The following EPB41L3 variants were observed in gnomAD, a reference collection of about 807,000 sequenced individuals.
EPB41L3 encodes the protein erythrocyte membrane protein band 4.1 like 3.
In EPB41L3, 57 loss-of-function variants were observed where a neutral mutation model predicts 127.1. The observed-to-expected ratio is 0.45, with a 90% CI of 0.36 to 0.56. EPB41L3 has a LOEUF of 0.56. EPB41L3 is among the 20% of genes least tolerant of loss of function. EPB41L3 has a pLI of 0.00. For missense variants in EPB41L3, 1,273 were observed against 1,372.2 expected (o/e 0.93, Z 1.14); for synonymous variants, 572 against 549.5 (o/e 1.04, Z -0.57).
At chr18:5,439,186 C>G (rs1598943804) in intron 5 of EPB41L3, among the ~76,000 whole-genome samples, 1 of 152,194 alleles carries the variant, frequency 6.6e-6, no homozygotes, top group Non-Finnish European at 1.5e-5. Context: ...CCCAGTCCCC[C>G]AGGCTTCCAC....
intron 2 of EPB41L3, among the ~76,000 whole-genome samples, chr18:5,612,827 G>A (rs896931042): frequency 3.3e-5 from 5 of 152,130 alleles, no homozygotes; most frequent in African/African-American, 4.8e-5. Flanking sequence ...TGTAATCTCC[G>A]CCTCCAGGGT....
chr18:5,569,138 C>A (rs2094245096), intron 3 of EPB41L3, among the ~76,000 whole-genome samples: 1 of 152,138 alleles, frequency 6.6e-6, no homozygotes, highest in Admixed American at 6.5e-5. Context: ...CCTGCAGATA[C>A]AGAGGCAATC....
intron 11 of EPB41L3, among the ~76,000 whole-genome samples, chr18:5,421,979 T>G (rs1009119839): frequency 6.6e-6 from 1 of 151,998 alleles, no homozygotes; most frequent in African/African-American, 2.4e-5. Flanking sequence ...CTACTGAAAT[T>G]TTAAAAAAAT....
chr18:5,546,018 T>C (rs532778402), upstream of EPB41L3, among the ~76,000 whole-genome samples: 2 of 152,218 alleles, frequency 1.3e-5, no homozygotes, highest in Non-Finnish European at 2.9e-5. Context: ...TTGTATTGTT[T>C]ACAATAAACA....
chr18:5,561,862 G>A (rs78863749), intron 3 of EPB41L3, among the ~76,000 whole-genome samples: 17,358 of 152,186 alleles, frequency 0.11, 1,080 homozygotes, highest in South Asian at 0.21. Flanking sequence ...CAGAGGGCAC[G>A]TTACCACTGT....
At chr18:5,606,916 G>GTC (rs1323264764) in intron 3 of EPB41L3, among the ~76,000 whole-genome samples, 7 of 91,434 alleles carry the variant, frequency 7.7e-5, no homozygotes, top group South Asian at 6.1e-4. Flanking sequence ...CTCTCTCTCT[G>GTC]TCTCTCTCTC....
rs6506299 is a variant in EPB41L3 at position 5,411,969 on chromosome 18, G to A, written c.2068-1350C>T. 6.4e-4 allele frequency among the ~76,000 whole-genome samples: 98 copies of A among 152,238 alleles called. 1 individual carries two copies. The highest frequency in any genetic ancestry group is 3.4e-3 in the Middle Eastern group (1 of 294). On this transcript the variant is annotated intron_variant, in intron 13 of 22. Transcript: ENST00000341928. Reference sequence around the variant, plus strand: ...TTTTCTGTAGGTTGGTAAGGAAAGCGTGTTGACCCATTTTCATGACCTGAC... The same window carrying A: ...TTTTCTGTAGGTTGGTAAGGAAAGCATGTTGACCCATTTTCATGACCTGAC...
rs139881835 is a variant in EPB41L3 at position 5,599,280 on chromosome 18, T to C, written c.-306+13060A>G. ...AATATTACTCCCATTGTAATGGCGA[T>C]GGGCCAAAGTGAGAGCAAACTCTTC... On this transcript the variant is annotated intron_variant, in intron 3 of 21. Transcript: ENST00000545076. Among the ~76,000 whole-genome samples the C allele has an allele frequency of 7.9e-5, 12 of 152,326 alleles. No individual in the cohort carries two copies. In the East Asian group the frequency reaches 2.3e-3, roughly 29 times the overall value.
chr18:5,468,393 T>C (rs570526622), intron 3 of EPB41L3, among the ~76,000 whole-genome samples: 29 of 152,122 alleles, frequency 1.9e-4, no homozygotes, highest in African/African-American at 6.5e-4. Flanking sequence ...GCCCCCTGAG[T>C]GATAACTTAC....
At chr18:5,607,249 G>A (rs112037720) in intron 3 of EPB41L3, among the ~76,000 whole-genome samples, 1,889 of 152,232 alleles carry the variant, frequency 0.012, 31 homozygotes, top group African/African-American at 0.043. Context: ...ATAGAAGATG[G>A]GATAAAGATG....
intron 3 of EPB41L3, among the ~76,000 whole-genome samples, chr18:5,450,513 C>A (rs913589268): frequency 1.3e-5 from 2 of 151,916 alleles, no homozygotes; most frequent in Admixed American, 1.3e-4. Flanking sequence ...GAACTCTGTG[C>A]TTTCTGCTCA....
intron 16 of EPB41L3, among the ~76,000 whole-genome samples, chr18:5,404,108 G>C (rs1190196818): frequency 6.6e-6 from 1 of 152,182 alleles, no homozygotes; most frequent in Non-Finnish European, 1.5e-5. Context: ...TCCTGGAGAA[G>C]AGTAGAAGAG....
chr18:5,605,791 G>A (rs979159742), intron 3 of EPB41L3, among the ~76,000 whole-genome samples: 1 of 152,058 alleles, frequency 6.6e-6, no homozygotes, highest in African/African-American at 2.4e-5. Context: ...CATAATATGC[G>A]AAGTTGTGTG....
intron 3 of EPB41L3, among the ~76,000 whole-genome samples, chr18:5,451,770 A>C (rs2082304376): frequency 6.6e-6 from 1 of 152,220 alleles, no homozygotes; most frequent in Non-Finnish European, 1.5e-5. Flanking sequence ...GGGGCACTTA[A>C]AACATGTCAA....
chr18:5,406,822 G>A lies in EPB41L3; in HGVS notation c.2304C>T (p.Ala768=). 6.2e-7 allele frequency: 1 copy of A among 1,614,174 alleles called. No homozygotes were observed. Among genetic ancestry groups the A allele is most frequent in the Non-Finnish European group, 8.5e-7 (1 of 1,180,016 alleles). The part of the protein sequence containing the change: ...RLSTSPVRLA[A]RQEDAPMIEP... Reference sequence around the variant, plus strand: ...CGATCATGGGGGCATCCTCCTGCCTGGCGGCCAGTCGCACGGGGGAGGTGG... The same window carrying A: ...CGATCATGGGGGCATCCTCCTGCCTAGCGGCCAGTCGCACGGGGGAGGTGG... Residue 768 remains alanine, a synonymous_variant, in exon 16 of 23, where the codon GCC becomes GCT. Transcript: ENST00000341928.
At chr18:5,592,508 C>T (rs1004935660) in intron 3 of EPB41L3, among the ~76,000 whole-genome samples, 3 of 152,216 alleles carry the variant, frequency 2.0e-5, no homozygotes, top group Admixed American at 6.5e-5. Context: ...ATAGACCATA[C>T]ACCCTGGGAA....
intron 3 of EPB41L3, among the ~76,000 whole-genome samples, chr18:5,461,756 A>G (rs1289266875): frequency 6.6e-6 from 1 of 152,200 alleles, no homozygotes; most frequent in Admixed American, 6.6e-5. Context: ...TGACAAGGGA[A>G]ATCATGACAG....
intron 1 of EPB41L3, among the ~76,000 whole-genome samples, chr18:5,500,780 T>C (rs542645947): frequency 6.6e-6 from 1 of 152,310 alleles, no homozygotes; most frequent in African/African-American, 2.4e-5. Flanking sequence ...CTGCATCTCA[T>C]GAATGTAACA....
intron 2 of EPB41L3, among the ~76,000 whole-genome samples, chr18:5,486,823 G>A (rs1356052883): frequency 6.6e-6 from 1 of 152,118 alleles, no homozygotes; most frequent in Non-Finnish European, 1.5e-5. Context: ...AAGACAGGCA[G>A]TAATAGATGC....
Sources: allele counts gnomAD v4.1 joint callset (sites outside exome capture counted in the v4.1 genomes callset), GRCh38; gene constraint gnomAD v4.1.1; transcripts MANE v1.5; gene names NCBI Gene and HGNC (gene_info 2026-07-23, HGNC 2026-07-21).